The following RNF169 variants were observed in gnomAD, a reference collection of about 807,000 sequenced individuals.
RNF169 encodes E3 ubiquitin-protein ligase RNF169.
RNF169 carries 24 observed loss-of-function variants against 53.9 expected under a neutral mutation model. The ratio of observed to expected loss-of-function variants is 0.45; its 90% CI spans 0.32 to 0.63. The LOEUF (loss-of-function observed/expected upper bound fraction) is 0.63, where lower values mean the gene tolerates loss of function less well. RNF169 is among the 20% of genes least tolerant of loss of function. The pLI, the probability that RNF169 is intolerant of heterozygous loss-of-function variation, is 0.04. For synonymous variants in RNF169, 396 were observed against 363.5 expected (o/e 1.09, Z -1.02); for missense variants, 883 against 906.2 (o/e 0.97, Z 0.33).
At chr11:74,834,185 T>C (rs1049972767) in intron 4 of RNF169, among the ~76,000 whole-genome samples, 3 of 152,178 alleles carry the variant, frequency 2.0e-5, no homozygotes, top group African/African-American at 7.2e-5. Flanking sequence ...AAAGCTCAAA[T>C]GTAATGGATT....
In RNF169 at chr11:74,810,476, G is replaced by A. The variant is rs1268444031; in HGVS notation, c.723+146G>A. ...AGCTTAAGAGTAGTGAAGAACTTAC[G>A]TCCAGGCCAGAGCTTGAGAAAATAA... On this transcript the variant is annotated intron_variant, in intron 3 of 5. Coordinates refer to ENST00000299563, the MANE Select transcript of RNF169 (RefSeq NM_001098638.2). 2.9e-5 allele frequency: 22 copies of A among 762,496 alleles called. No homozygotes were observed. The Admixed American group carries it at 2.9e-4, about 10-fold the overall frequency. The allele number at this position is 762,496 out of a possible 1,614,324, so 47.2% of individuals were successfully genotyped here.
intron 3 of RNF169, among the ~76,000 whole-genome samples, chr11:74,815,549 C>T (rs572020565): frequency 5.7e-4 from 86 of 151,412 alleles, no homozygotes; most frequent in African/African-American, 1.9e-3. Flanking sequence ...GTGTGAAACT[C>T]GGTCTCCAAA....
intron 1 of RNF169, among the ~76,000 whole-genome samples, chr11:74,768,487 G>C (rs1192379385): frequency 2.0e-5 from 3 of 152,048 alleles, no homozygotes; most frequent in Non-Finnish European, 2.9e-5. Flanking sequence ...CATGCCTGTA[G>C]TCCCAGCTAC....
intron 1 of RNF169, among the ~76,000 whole-genome samples, chr11:74,775,054 C>G (rs1334900416): frequency 1.3e-5 from 2 of 152,174 alleles, no homozygotes; most frequent in African/African-American, 4.8e-5. Context: ...GTAATGGGGG[C>G]AGATAAATGG....
intron 2 of RNF169, among the ~76,000 whole-genome samples, chr11:74,797,519 A>T (rs1000072903): frequency 6.6e-6 from 1 of 152,214 alleles, no homozygotes; most frequent in Non-Finnish European, 1.5e-5. Flanking sequence ...TGTTTGTTTT[A>T]GTCTCTTTAA....
At chr11:74,821,650 T>A in intron 4 of RNF169, among the ~76,000 whole-genome samples, 1 of 105,254 alleles carries the variant, frequency 9.5e-6, no homozygotes, top group East Asian at 3.1e-4. Context: ...AGAGCGAGAC[T>A]CCGTCTCAAA....
At chr11:74,830,561 C>A (rs759590827) in intron 4 of RNF169, 4 of 146,970 alleles carry the variant, frequency 2.7e-5, no homozygotes, top group Non-Finnish European at 6.0e-5. Context: ...AAAAAAAAAT[C>A]CAACAATAAA....
At chr11:74,831,285 A>C (rs1591433643) in intron 4 of RNF169, 2 of 152,338 alleles carry the variant, frequency 1.3e-5, no homozygotes, top group East Asian at 3.9e-4. Context: ...TAATAGACAA[A>C]TTTTAGCAAA....
intron 1 of RNF169, among the ~76,000 whole-genome samples, chr11:74,783,322 A>G (rs776862385): frequency 6.6e-6 from 1 of 151,978 alleles, no homozygotes; most frequent in Non-Finnish European, 1.5e-5. Context: ...TCAGGGAACT[A>G]TAGCTGTTCC....
At position 74,750,588 on chromosome 11, in the gene RNF169, C is replaced by CTTTTTTT. The variant is rs71036015; in HGVS notation, c.502+1227_502+1233dup. Among the ~76,000 whole-genome samples the CTTTTTTT allele has an allele frequency of 1.1e-4, 6 of 54,542 alleles. 2 individuals are homozygous for CTTTTTTT. The highest frequency in any genetic ancestry group is 1.3e-3 in the East Asian group (2 of 1,490). The allele number at this position is 54,542 out of a possible 152,430, so 35.8% of individuals were successfully genotyped here. A position where few individuals can be genotyped will look rare whatever the true frequency, so the allele number is the denominator to read the frequency against. On this transcript the variant is annotated intron_variant, in intron 1 of 5. Coordinates refer to ENST00000299563, the MANE Select transcript of RNF169 (RefSeq NM_001098638.2). ...CTATGTTCCTTGTCACTCCCCTCAC[C>CTTTTTTT]TTTTTTTTTTTTTTTTTTTTTTTTT...
chr11:74,824,448 T>G (rs1338853958), intron 4 of RNF169, among the ~76,000 whole-genome samples: 1 of 151,988 alleles, frequency 6.6e-6, no homozygotes, highest in African/African-American at 2.4e-5. Context: ...GAAAGAATAT[T>G]TGAAGTAATA....
chr11:74,836,894 TCTCCGTTTCTCTG>T lies in RNF169; in HGVS notation c.*165_*177del. On this transcript the variant is annotated 3_prime_UTR_variant, in exon 6 of 6. Transcript: ENST00000299563. ...GTAGTCAATATCCAAGGGAAAAGCATCTCCGTTTCTCTGTGACCCAGGCCAGAAGCCTGAGTGA... is the reference window on the plus strand; with the variant it reads ...GTAGTCAATATCCAAGGGAAAAGCATTGACCCAGGCCAGAAGCCTGAGTGA... The T allele has an allele frequency of 1.7e-6, 1 of 601,800 alleles. No homozygotes were observed. Among genetic ancestry groups the T allele is most frequent in the Admixed American group, 3.3e-5 (1 of 30,500 alleles). 37.3% of individuals were successfully genotyped at this position (601,800 alleles called of 1,614,324 possible).
At chr11:74,806,361 CTG>C (rs144059344) in intron 2 of RNF169, among the ~76,000 whole-genome samples, 1,635 of 152,262 alleles carry the variant, frequency 0.011, 17 homozygotes, top group Non-Finnish European at 0.017. Context: ...GTGGGAGCAA[CTG>C]TCATTCTACA....
intron 2 of RNF169, among the ~76,000 whole-genome samples, chr11:74,794,322 T>A (rs983127804): frequency 7.2e-5 from 11 of 152,210 alleles, no homozygotes; most frequent in African/African-American, 2.7e-4. Context: ...CTTGGAGGTG[T>A]ATACAAGGAA....
chr11:74,830,851 T>G (rs1168829184), intron 4 of RNF169: 2 of 152,146 alleles, frequency 1.3e-5, no homozygotes, highest in African/African-American at 4.8e-5. Flanking sequence ...ATTCCAAGAA[T>G]GCAAAGGTGT....
chr11:74,814,485 G>A (rs547690179), intron 3 of RNF169, among the ~76,000 whole-genome samples: 19 of 147,804 alleles, frequency 1.3e-4, no homozygotes, highest in Non-Finnish European at 2.4e-4. Flanking sequence ...GGGCTCAAGC[G>A]ATCCTTTTAC....
intron 4 of RNF169, among the ~76,000 whole-genome samples, chr11:74,821,780 T>C (rs1414201378): frequency 6.6e-6 from 1 of 151,878 alleles, no homozygotes; most frequent in Non-Finnish European, 1.5e-5. Flanking sequence ...AGGTGATAGC[T>C]AAAGGGTATA....
intron 1 of RNF169, among the ~76,000 whole-genome samples, chr11:74,787,827 A>C (rs1308711267): frequency 3.3e-5 from 5 of 152,240 alleles, no homozygotes; most frequent in Non-Finnish European, 7.3e-5. Flanking sequence ...GCAGACATGT[A>C]AAATGATATA....
Position 74,836,148 on chromosome 11 carries a change from C to T in RNF169, c.1545C>T (p.Asp515=), listed in dbSNP as rs1395900442. The part of the protein sequence containing the change: ...PSVSQTKAEQ[D]SDNKSSTEIP... ...TTAGCCAAACAAAAGCAGAACAGGA[C>T]AGTGATAATAAAAGTAGCACTGAGA... The change falls in exon 6 of 6, where the codon GAC becomes GAT. Residue 515 remains aspartate (D), a synonymous_variant. Coordinates refer to ENST00000299563, the MANE Select transcript of RNF169 (RefSeq NM_001098638.2). 1.9e-6 allele frequency: 3 copies of T among 1,614,136 alleles called. No individual in the cohort carries two copies. Among genetic ancestry groups the T allele is most frequent in the Non-Finnish European group, 2.5e-6 (3 of 1,180,022 alleles).
Sources: gnomAD v4.1 joint callset for allele counts (sites outside exome capture counted in the v4.1 genomes callset) on GRCh38, gnomAD v4.1.1 for gene constraint, MANE v1.5 for transcripts, NCBI Gene and HGNC (gene_info 2026-07-23, HGNC 2026-07-21) for gene names.